KIF26B: variants seen among roughly 807,000 people sequenced by gnomAD.
The protein encoded by KIF26B is kinesin family member 26B, also known as kinesin-like protein KIF26B.
In KIF26B, 63 loss-of-function variants were observed where a neutral mutation model predicts 151.2. The observed-to-expected ratio is 0.42, with a 90% CI of 0.34 to 0.51. KIF26B has a LOEUF of 0.51. KIF26B is among the 20% of genes least tolerant of loss of function. The pLI, the probability that KIF26B is intolerant of heterozygous loss-of-function variation, is 0.07. For missense variants in KIF26B, 2,813 were observed against 2,913.6 expected (o/e 0.97, Z 0.79); for synonymous variants, 1,357 against 1,262.1 (o/e 1.08, Z -1.59).
intron 2 of KIF26B, among the ~76,000 whole-genome samples, chr1:245,214,579 T>A (rs1669605209): frequency 6.6e-6 from 1 of 151,532 alleles, no homozygotes; most frequent in African/African-American, 2.4e-5. Flanking sequence ...AAGCCTAAAA[T>A]GGGATAGTAC....
intron 2 of KIF26B, among the ~76,000 whole-genome samples, chr1:245,226,796 G>T (rs1246324143): frequency 6.6e-6 from 1 of 152,176 alleles, no homozygotes; most frequent in Non-Finnish European, 1.5e-5. Context: ...AACGAAAAGG[G>T]TATGATGGCA....
intron 9 of KIF26B, among the ~76,000 whole-genome samples, chr1:245,624,283 G>GA (rs5782361): frequency 7.4e-4 from 107 of 144,390 alleles, no homozygotes; most frequent in African/African-American, 1.1e-3. Flanking sequence ...GGGAATATTT[G>GA]AAAAAAAAAA....
chr1:245,210,393 C>T (rs1242074008), intron 2 of KIF26B, among the ~76,000 whole-genome samples: 1 of 151,986 alleles, frequency 6.6e-6, no homozygotes, highest in Non-Finnish European at 1.5e-5. Context: ...CTGGATTACT[C>T]AGTATTTTTC....
chr1:245,458,315 A>G (rs1158339147), intron 4 of KIF26B, among the ~76,000 whole-genome samples: 1 of 152,218 alleles, frequency 6.6e-6, no homozygotes, highest in Non-Finnish European at 1.5e-5. Flanking sequence ...GGCAGCGGCT[A>G]TTTAGGCTGT....
At chr1:245,507,240 A>G (rs1194741401) in intron 4 of KIF26B, among the ~76,000 whole-genome samples, 1 of 152,218 alleles carries the variant, frequency 6.6e-6, no homozygotes, top group African/African-American at 2.4e-5. Context: ...AGAAGGTTGC[A>G]GGTTGGAACC....
At chr1:245,618,066 G>C (rs1168328953) in intron 9 of KIF26B, among the ~76,000 whole-genome samples, 1 of 152,172 alleles carries the variant, frequency 6.6e-6, no homozygotes, top group African/African-American at 2.4e-5. Flanking sequence ...AGAAGGAAGA[G>C]AAGGAGGCAG....
chr1:245,546,206 G>T (rs558213977), intron 5 of KIF26B, among the ~76,000 whole-genome samples: 187 of 152,102 alleles, frequency 1.2e-3, no homozygotes, highest in African/African-American at 4.2e-3. Context: ...TTTGGTTTTG[G>T]TTTTGTTTTT....
At chr1:245,508,441 C>T (rs1281655305) in intron 4 of KIF26B, among the ~76,000 whole-genome samples, 2 of 152,142 alleles carry the variant, frequency 1.3e-5, no homozygotes, top group Non-Finnish European at 2.9e-5. Flanking sequence ...GGGGTTTCAC[C>T]GTGTTAGCCA....
chr1:245,181,371 T>C (rs1353759592), intron 2 of KIF26B, among the ~76,000 whole-genome samples: 3 of 152,044 alleles, frequency 2.0e-5, no homozygotes, highest in Admixed American at 6.6e-5. Context: ...GTCTTTTCAT[T>C]TGAAAGTAGG....
chr1:245,217,820 G>C (rs1382876859), intron 2 of KIF26B, among the ~76,000 whole-genome samples: 2 of 152,084 alleles, frequency 1.3e-5, no homozygotes, highest in African/African-American at 2.4e-5. Context: ...CAGAGCACAG[G>C]TCCGCAGAAC....
intron 9 of KIF26B, among the ~76,000 whole-genome samples, chr1:245,638,798 C>G (rs1396172218): frequency 6.6e-6 from 1 of 151,824 alleles, no homozygotes; most frequent in African/African-American, 2.4e-5. Context: ...ATTTGACTTA[C>G]ATATGTTGAA....
intron 3 of KIF26B, among the ~76,000 whole-genome samples, chr1:245,372,291 C>T (rs1252136005): frequency 6.6e-6 from 1 of 152,138 alleles, no homozygotes; most frequent in Non-Finnish European, 1.5e-5. Context: ...TCTCCGCGCC[C>T]TATTTGTCTG....
chr1:245,344,085 C>G (rs1672390131), intron 2 of KIF26B, among the ~76,000 whole-genome samples: 1 of 150,192 alleles, frequency 6.7e-6, no homozygotes, highest in African/African-American at 2.5e-5. Context: ...GCCTCGCTGC[C>G]TCCCTCCCTC....
At chr1:245,415,232 A>G (rs903446617) in intron 3 of KIF26B, among the ~76,000 whole-genome samples, 8 of 152,204 alleles carry the variant, frequency 5.3e-5, no homozygotes, top group African/African-American at 1.7e-4. Context: ...ACATAAAAAC[A>G]ACTCAGAGAC....
rs1670290919 is a variant in KIF26B at position 245,244,991 on chromosome 1, T to G, written c.465+88308T>G. The stretch of plus-strand genomic sequence containing the variant: ...TGAAATGTTTTAAACGCTCAAGAAT[T>G]TCCAGTCACCACAGTCCTGAGGTTC... On this transcript the variant is annotated intron_variant, in intron 2 of 14. Transcript: ENST00000407071. This position sits in a 1 kb window ranked among gnomAD's most constrained non-coding sequence, Gnocchi z 4.2. 6.6e-6 allele frequency among the ~76,000 whole-genome samples: 1 copy of G among 152,114 alleles called. No individual in the cohort carries two copies. The highest frequency in any genetic ancestry group is 1.9e-4 in the East Asian group (1 of 5,196).
At chr1:245,363,572 G>T (rs533947335) in intron 2 of KIF26B, among the ~76,000 whole-genome samples, 111 of 152,230 alleles carry the variant, frequency 7.3e-4, no homozygotes, top group Admixed American at 2.5e-3. Context: ...CTTACAGAAA[G>T]CTATGGCTGT....
rs1229499516 is a variant in KIF26B, at chr1:245,698,230, T to C, written c.5949T>C (p.Leu1983=). 2 of 1,613,888 alleles carry C rather than the reference T, an allele frequency of 1.2e-6. No individual in the cohort carries two copies. Among genetic ancestry groups the C allele is most frequent in the Non-Finnish European group, 1.7e-6 (2 of 1,179,906 alleles). Residue 1983 remains leucine, a synonymous_variant, in exon 13 of 15, where the codon CTT becomes CTC. Coordinates refer to ENST00000407071, the MANE Select transcript of KIF26B (RefSeq NM_018012.4). The surrounding 1 kb of genome is among the most constrained non-coding windows in gnomAD (Gnocchi z 4.0). ...DGPLRSSPRG[L]GEPFEIKVYE... ...CCTTGCGGAGCAGCCCGAGGGGCCTTGGGGAACCCTTTGAGATTAAAGTCT... is the reference window on the plus strand; with the variant it reads ...CCTTGCGGAGCAGCCCGAGGGGCCTCGGGGAACCCTTTGAGATTAAAGTCT...
chr1:245,185,275 A>G (rs530969634), intron 2 of KIF26B, among the ~76,000 whole-genome samples: 1 of 151,588 alleles, frequency 6.6e-6, no homozygotes, highest in South Asian at 2.1e-4. Context: ...GGTAGCTGGG[A>G]TTACAGGCAC....
chr1:245,571,345 G>A (rs1418678555), intron 5 of KIF26B, among the ~76,000 whole-genome samples: 1 of 152,202 alleles, frequency 6.6e-6, no homozygotes, highest in East Asian at 1.9e-4. Flanking sequence ...GCTGTTGATA[G>A]AAAGACACCT....
Sources: allele counts gnomAD v4.1 joint callset (sites outside exome capture counted in the v4.1 genomes callset), GRCh38; gene constraint gnomAD v4.1.1; non-coding constraint Gnocchi (gnomAD v3.1); transcripts MANE v1.5; gene names NCBI Gene and HGNC (gene_info 2026-07-23, HGNC 2026-07-21).